The following AFAP1 variants were observed in gnomAD, a reference collection of about 807,000 sequenced individuals.
AFAP1 encodes actin filament associated protein 1, also known as actin filament-associated protein 1.
AFAP1 carries 75 observed loss-of-function variants against 93.9 expected under a neutral mutation model. That is an observed-to-expected ratio of 0.80 (90% CI 0.66 to 0.97). The LOEUF is 0.97. Ranked by LOEUF, AFAP1 falls within the 50% of genes least tolerant of loss-of-function variation. AFAP1 has a pLI of 0.00. For synonymous variants in AFAP1, 517 were observed against 430.7 expected (o/e 1.20, Z -2.48); for missense variants, 1,201 against 1,050.8 (o/e 1.14, Z -1.98).
At chr4:7,790,349 A>G (rs373018361) in intron 11 of AFAP1, among the ~76,000 whole-genome samples, 4 of 152,222 alleles carry the variant, frequency 2.6e-5, no homozygotes, top group African/African-American at 7.2e-5. Flanking sequence ...TTTTTAATAA[A>G]TATTTTTAGT....
At chr4:7,858,388 G>A (rs1715304715) in intron 3 of AFAP1, among the ~76,000 whole-genome samples, 1 of 152,114 alleles carries the variant, frequency 6.6e-6, no homozygotes, top group Non-Finnish European at 1.5e-5. Flanking sequence ...AAATAATACT[G>A]CTAAAGAATC....
chr4:7,917,118 G>A (rs1332078946), intron 1 of AFAP1, among the ~76,000 whole-genome samples: 1 of 152,182 alleles, frequency 6.6e-6, no homozygotes, highest in African/African-American at 2.4e-5. Context: ...CCATAGCACT[G>A]TTGTAAAAAG....
At chr4:7,862,584 T>C (rs58569022) in intron 3 of AFAP1, among the ~76,000 whole-genome samples, 3,491 of 152,244 alleles carry the variant, frequency 0.023, 150 homozygotes, top group African/African-American at 0.079. Context: ...ATGGTTAAAA[T>C]GGTAAATTTT....
chr4:7,772,775 C>T (rs756035222), intron 16 of AFAP1, 45 bp downstream of exon 16: 54 of 1,585,866 alleles, frequency 3.4e-5, no homozygotes, highest in African/African-American at 9.4e-5. Flanking sequence ...CCCTCGGCCA[C>T]GCAAGGCCGC....
intron 2 of AFAP1, among the ~76,000 whole-genome samples, chr4:7,869,191 A>C (rs1279106901): frequency 6.6e-6 from 1 of 150,790 alleles, no homozygotes; most frequent in Non-Finnish European, 1.5e-5. Flanking sequence ...AAAAGAAAAG[A>C]GGAAGGAAGG....
At chr4:7,765,876 G>A (rs189729002) in intron 17 of AFAP1, among the ~76,000 whole-genome samples, 33 of 152,274 alleles carry the variant, frequency 2.2e-4, no homozygotes, top group Admixed American at 1.8e-3. Context: ...AAAGGAGACA[G>A]GGTCTGTGAA....
intron 12 of AFAP1, among the ~76,000 whole-genome samples, chr4:7,784,851 G>T (rs1234786603): frequency 6.6e-6 from 1 of 152,140 alleles, no homozygotes; most frequent in African/African-American, 2.4e-5. Flanking sequence ...CCTGCTGTGG[G>T]GCAGCTATGA....
rs191460409 is a variant in AFAP1 at position 7,929,742 on chromosome 4, G to A, written c.-3+9914C>T. 3.3e-5 allele frequency among the ~76,000 whole-genome samples: 5 copies of A among 152,324 alleles called. No homozygotes were observed. In the East Asian group the frequency reaches 9.6e-4, roughly 29 times the overall value. On this transcript the variant is annotated intron_variant, in intron 1 of 17. Coordinates refer to ENST00000420658, the MANE Select transcript of AFAP1 (RefSeq NM_001134647.2). ...ATGCTGCCTTCTTCACCACACAGAG[G>A]CGGCACTCAGGAACTACTGAATGAG...
At chr4:7,872,227 G>T in intron 1 of AFAP1, 147 bp from the exon 2 acceptor site, 1 of 975,414 alleles carries the variant, frequency 1.0e-6, no homozygotes, top group Non-Finnish European at 1.5e-6. Context: ...GCTGAAAGCA[G>T]GTCCACTAAA....
intron 4 of AFAP1, among the ~76,000 whole-genome samples, chr4:7,848,168 AGGGAGGG>A (rs1560197142): frequency 3.6e-4 from 7 of 19,548 alleles, no homozygotes; most frequent in African/African-American, 8.3e-4. Context: ...GGTAAGTGGG[AGGGAGGG>A]AGGGAGGGAG....
At chr4:7,827,356 G>A (rs916628551) in intron 6 of AFAP1, among the ~76,000 whole-genome samples, 10 of 152,054 alleles carry the variant, frequency 6.6e-5, no homozygotes, top group Non-Finnish European at 1.5e-4. Flanking sequence ...CGGATCACCT[G>A]AGGTCAGGAG....
chr4:7,842,246 G>C (rs1458369031), intron 5 of AFAP1, among the ~76,000 whole-genome samples: 2 of 107,302 alleles, frequency 1.9e-5, no homozygotes, highest in Admixed American at 1.1e-4. Flanking sequence ...AATATCCTAG[G>C]AACTTAGTAA....
rs184816609 is a variant in AFAP1, at chr4:7,859,429, A to T, written c.226-3855T>A. Reference sequence around the variant, plus strand: ...GCAAGACTCTGTCTCGAAAAAAAATAAAACAAGGGTCCAAAGTCTAACCAC... The same window carrying T: ...GCAAGACTCTGTCTCGAAAAAAAATTAAACAAGGGTCCAAAGTCTAACCAC... On this transcript the variant is annotated intron_variant, in intron 3 of 17. Transcript: ENST00000420658. Among the ~76,000 whole-genome samples, 493 of 152,012 alleles carry T rather than the reference A, an allele frequency of 3.2e-3. 3 individuals are homozygous for T. Among genetic ancestry groups the T allele is most frequent in the Admixed American group, 5.2e-3 (79 of 15,270 alleles).
intron 1 of AFAP1, among the ~76,000 whole-genome samples, chr4:7,933,040 A>AAAAC (rs1553858303): frequency 1.7e-5 from 2 of 118,848 alleles, no homozygotes; most frequent in Non-Finnish European, 3.5e-5. Context: ...AAAAAAAAAA[A>AAAAC]GGGGGGGGAT....
intron 1 of AFAP1, among the ~76,000 whole-genome samples, chr4:7,912,294 T>C (rs1041698932): frequency 2.0e-5 from 3 of 152,230 alleles, no homozygotes; most frequent in Admixed American, 1.3e-4. Flanking sequence ...AGGTTAAGTC[T>C]TCATTTCTCT....
At chr4:7,938,695 C>T (rs557682139) in intron 1 of AFAP1, among the ~76,000 whole-genome samples, 2 of 152,296 alleles carry the variant, frequency 1.3e-5, no homozygotes, top group South Asian at 4.1e-4. Context: ...TTCCACTCTC[C>T]AGGCGCTGAG....
At chr4:7,863,498 T>C (rs113031145) in intron 3 of AFAP1, among the ~76,000 whole-genome samples, 32 of 152,306 alleles carry the variant, frequency 2.1e-4, no homozygotes, top group African/African-American at 7.2e-4. Flanking sequence ...AATAGATGCA[T>C]ATTTTAGCCT....
chr4:7,799,426 G>A (rs980607370), intron 10 of AFAP1, among the ~76,000 whole-genome samples: 14 of 152,138 alleles, frequency 9.2e-5, no homozygotes, highest in Non-Finnish European at 1.0e-4. Context: ...CTGGGCAGCC[G>A]TGGCTTAGGT....
At chr4:7,890,009 A>AT (rs1718364308) in intron 1 of AFAP1, among the ~76,000 whole-genome samples, 1 of 149,354 alleles carries the variant, frequency 6.7e-6, no homozygotes, top group African/African-American at 2.5e-5. Context: ...TTTGTTAAAA[A>AT]AAAAAAAAAA....
Sources: allele counts gnomAD v4.1 joint callset (sites outside exome capture counted in the v4.1 genomes callset), GRCh38; gene constraint gnomAD v4.1.1; transcripts MANE v1.5; gene names NCBI Gene and HGNC (gene_info 2026-07-23, HGNC 2026-07-21).